Variants in QTRT2 observed in about 807,000 individuals in gnomAD.
QTRT2 encodes queuine tRNA-ribosyltransferase accessory subunit 2, also known as queuine tRNA-ribosyltransferase domain containing 1.
A neutral mutation model predicts 44.8 loss-of-function variants in QTRT2; 32 were observed. The observed-to-expected ratio is 0.71, with a 90% CI of 0.54 to 0.96. The LOEUF is 0.96. Among genes scored for constraint, QTRT2 ranks in the 40% least tolerant of loss-of-function variants. The pLI, the probability that QTRT2 is intolerant of heterozygous loss-of-function variation, is 0.00. For missense variants in QTRT2, 461 were observed against 503.1 expected, an observed-to-expected ratio of 0.92 and a Z score of 0.80; for synonymous variants, 182 against 187.4, an observed-to-expected ratio of 0.97 and a Z score of 0.24.
At position 114,082,112 on chromosome 3, in the gene QTRT2, A is replaced by C. The variant is rs2077172921; in HGVS notation, c.899-565A>C. ...CTCCATATAGAATACATACATTAAA[A>C]CCATGTTCTACTTCAATCTATTTGG... On this transcript the variant is annotated intron_variant, in intron 8 of 9. Coordinates refer to ENST00000281273, the MANE Select transcript of QTRT2 (RefSeq NM_024638.4). Among the ~76,000 whole-genome samples, 2 of 152,000 alleles carry C rather than the reference A, an allele frequency of 1.3e-5. 1 individual carries two copies. Among genetic ancestry groups the C allele is most frequent in the South Asian group, 4.2e-4 (2 of 4,818 alleles).
chr3:114,074,187 T>G (rs2077060167), intron 6 of QTRT2, among the ~76,000 whole-genome samples: 2 of 152,172 alleles, frequency 1.3e-5, no homozygotes, highest in South Asian at 4.1e-4. Context: ...TAGCCTTATC[T>G]TTAGGTTCAT....
At chr3:114,062,233 T>C (rs2107785419) in intron 2 of QTRT2, among the ~76,000 whole-genome samples, 1 of 151,784 alleles carries the variant, frequency 6.6e-6, no homozygotes, top group African/African-American at 2.4e-5. Flanking sequence ...TTAGGTGCAG[T>C]GGTTGGGCAC....
chr3:114,068,184 C>T (rs1191258108), intron 5 of QTRT2, 121 bp downstream of exon 5: 10 of 791,132 alleles, frequency 1.3e-5, no homozygotes, highest in Non-Finnish European at 2.0e-5. Flanking sequence ...TTCCTTATTT[C>T]GATAATTATA....
intron 7 of QTRT2, chr3:114,077,845 C>G (rs1577540837): frequency 6.6e-6 from 1 of 151,754 alleles, no homozygotes; most frequent in Admixed American, 6.6e-5. Flanking sequence ...TCCTGAGTAG[C>G]TGGGATTACA....
chr3:114,065,203 G>GGC (rs2076935639), intron 2 of QTRT2, 34 bp from the exon 3 acceptor site: 1 of 1,495,032 alleles, frequency 6.7e-7, no homozygotes, highest in Admixed American at 1.9e-5. Context: ...GTGTTGTGAA[G>GGC]CTCCTTCTAT....
chr3:114,074,446 C>T (rs569712324), intron 6 of QTRT2, among the ~76,000 whole-genome samples: 1 of 152,326 alleles, frequency 6.6e-6, no homozygotes, highest in Admixed American at 6.5e-5. Context: ...TGATAGGTTT[C>T]AAGTTTTATC....
chr3:114,071,603 A>G (rs1209366383), intron 6 of QTRT2, among the ~76,000 whole-genome samples: 1 of 151,972 alleles, frequency 6.6e-6, no homozygotes, highest in Non-Finnish European at 1.5e-5. Flanking sequence ...CTGGCTAAGA[A>G]ATTTGAGCTT....
At chr3:114,079,224 A>G (rs2077131431) in intron 7 of QTRT2, 1 of 152,230 alleles carries the variant, frequency 6.6e-6, no homozygotes, top group South Asian at 2.1e-4. Context: ...GCTAACCTTT[A>G]TTGAACTTCT....
chr3:114,080,790 T>G lies in QTRT2; in HGVS notation c.898+733T>G, dbSNP rs143906573. Among the ~76,000 whole-genome samples the G allele has an allele frequency of 5.9e-5, 9 of 152,314 alleles. No individual in the cohort carries two copies. The East Asian group carries it at 1.7e-3, about 29-fold the overall frequency. ...TCCTTAACCACATCAACCTTACATTTGAATAGGACCAGAAACTTCCTTAAA... is the reference window on the plus strand; with the variant it reads ...TCCTTAACCACATCAACCTTACATTGGAATAGGACCAGAAACTTCCTTAAA... On this transcript the variant is annotated intron_variant, in intron 8 of 9. Coordinates refer to ENST00000281273, the MANE Select transcript of QTRT2 (RefSeq NM_024638.4).
intron 6 of QTRT2, among the ~76,000 whole-genome samples, chr3:114,075,052 T>G (rs1169856563): frequency 1.3e-5 from 2 of 152,202 alleles, no homozygotes; most frequent in African/African-American, 2.4e-5. Context: ...GGAGAGATTG[T>G]TAGAAGTGGA....
chr3:114,060,462 C>T (rs1437151835), intron 2 of QTRT2, among the ~76,000 whole-genome samples: 1 of 147,236 alleles, frequency 6.8e-6, no homozygotes, highest in Non-Finnish European at 1.5e-5. Context: ...TGGTTCCAAA[C>T]CCCAGATAGA....
intron 2 of QTRT2, among the ~76,000 whole-genome samples, chr3:114,057,901 C>T (rs1192321091): frequency 6.6e-6 from 1 of 152,132 alleles, no homozygotes; most frequent in African/African-American, 2.4e-5. Context: ...AGAAGAAGAA[C>T]ACTATAGCAA....
intron 5 of QTRT2, among the ~76,000 whole-genome samples, chr3:114,069,269 G>A (rs1192932749): frequency 1.3e-5 from 2 of 151,952 alleles, no homozygotes; most frequent in Non-Finnish European, 1.5e-5. Flanking sequence ...TTTGTTTCGG[G>A]GGTACGTGTA....
intron 3 of QTRT2, among the ~76,000 whole-genome samples, chr3:114,065,898 C>T (rs2076947338): frequency 6.6e-6 from 1 of 152,144 alleles, no homozygotes; most frequent in Admixed American, 6.5e-5. Flanking sequence ...AATTGAAAAG[C>T]CTACTATATG....
At chr3:114,082,405 TTGA>T (rs752891730) in intron 8 of QTRT2, 14 of 194,310 alleles carry the variant, frequency 7.2e-5, no homozygotes, top group Non-Finnish European at 1.2e-4. Context: ...AAATTATTTC[TTGA>T]TGATACGATT....
At chr3:114,083,058 G>A in intron 9 of QTRT2, 1 of 420,326 alleles carries the variant, frequency 2.4e-6, no homozygotes, top group Non-Finnish European at 4.4e-6. Context: ...CCATTGTTTG[G>A]CGTCTTGTAT....
rs1428575074 is a variant in QTRT2, at chr3:114,087,322, G to A, written c.*1418G>A. 5 of 152,120 alleles carry A rather than the reference G, an allele frequency of 3.3e-5. No homozygotes were observed. The highest frequency in any genetic ancestry group is 5.9e-5 in the Non-Finnish European group (4 of 68,028). The allele number at this position is 152,120 out of a possible 1,614,324, so 9.4% of individuals were successfully genotyped here. On this transcript the variant is annotated 3_prime_UTR_variant, in exon 10 of 10. Transcript: ENST00000281273. ...TATGTGTTGGGAGCCCATTGTATTA[G>A]GCCGTTCTTGGATTGCTATAAAGAA...
Position 114,056,852 on chromosome 3 carries a change from G to T in QTRT2, c.-142G>T. 1 of 1,535,952 alleles carries T rather than the reference G, an allele frequency of 6.5e-7. No individual in the cohort carries two copies. The highest frequency in any genetic ancestry group is 8.7e-7 in the Non-Finnish European group (1 of 1,146,798). On this transcript the variant is annotated 5_prime_UTR_variant, in exon 1 of 10. It removes an upstream start codon present in the reference 5' UTR. Transcript: ENST00000281273. The stretch of plus-strand genomic sequence containing the variant: ...GGTCTGAAGACTGAAAGAGTCGAAT[G>T]GTTTGTTGGCAGGTAAGTGCCCCTT...
intron 4 of QTRT2, 84 bp downstream of exon 4, chr3:114,066,367 A>G (rs955431072): frequency 1.1e-5 from 9 of 791,060 alleles, no homozygotes; most frequent in Middle Eastern, 5.1e-4. Context: ...TCTTTCATTC[A>G]TATGTTTGTT....
Sources: gnomAD v4.1 joint callset for allele counts (sites outside exome capture counted in the v4.1 genomes callset) on GRCh38, gnomAD v4.1.1 for gene constraint, MANE v1.5 for transcripts, NCBI Gene and HGNC (gene_info 2026-07-23, HGNC 2026-07-21) for gene names.